RAB5B: variants seen among roughly 807,000 people sequenced by gnomAD.
RAB5B encodes the protein ras-related protein Rab-5B.
A neutral mutation model predicts 28.6 loss-of-function variants in RAB5B; 11 were observed. The ratio of observed to expected loss-of-function variants is 0.38; its 90% CI spans 0.24 to 0.64. The LOEUF (loss-of-function observed/expected upper bound fraction) is 0.64, where lower values mean the gene tolerates loss of function less well. Ranked by LOEUF, RAB5B falls within the 30% of genes least tolerant of loss-of-function variation. RAB5B has a pLI of 0.53. For missense variants in RAB5B, 169 were observed against 265.6 expected (o/e 0.64, Z 2.53); for synonymous variants, 93 against 97.9 (o/e 0.95, Z 0.29).
chr12:55,989,027 C>T (rs1042738093), intron 2 of RAB5B, among the ~76,000 whole-genome samples: 7 of 144,136 alleles, frequency 4.9e-5, no homozygotes, highest in African/African-American at 1.0e-4. Context: ...TTGCAACTTC[C>T]GCTTCCCCAG....
At chr12:55,980,352 C>T (rs565907421) in intron 1 of RAB5B, 2 of 1,241,856 alleles carry the variant, frequency 1.6e-6, no homozygotes, top group African/African-American at 1.5e-5. Flanking sequence ...GCTATTTCTC[C>T]CCTGCTCACT....
intron 2 of RAB5B, among the ~76,000 whole-genome samples, chr12:55,988,486 C>T (rs1445472428): frequency 2.6e-5 from 4 of 151,952 alleles, no homozygotes; most frequent in Middle Eastern, 6.3e-3. Flanking sequence ...CAAATTATTC[C>T]TTCCCCTTGT....
At chr12:55,990,575 T>A in intron 3 of RAB5B, 107 bp from the exon 4 acceptor site, 3 of 1,400,676 alleles carry the variant, frequency 2.1e-6, no homozygotes, top group Non-Finnish European at 3.0e-6. Context: ...GTGGTTTCAC[T>A]GAGGGAAGAC....
chr12:55,986,516 G>A (rs770730499), intron 1 of RAB5B, among the ~76,000 whole-genome samples: 12 of 152,170 alleles, frequency 7.9e-5, no homozygotes, highest in East Asian at 3.8e-4. Context: ...CTAGGGTACC[G>A]GTGGGTGGAT....
At chr12:55,980,945 T>C (rs913023368) in intron 1 of RAB5B, 18 of 1,613,826 alleles carry the variant, frequency 1.1e-5, no homozygotes, top group Non-Finnish European at 1.5e-5. Context: ...GAAGTTGTCC[T>C]CTGCAAAGCG....
intron 1 of RAB5B, among the ~76,000 whole-genome samples, chr12:55,984,171 AC>A (rs1889888946): frequency 1.4e-5 from 2 of 147,442 alleles, no homozygotes; most frequent in African/African-American, 5.0e-5. Flanking sequence ...CCGGCCACCA[AC>A]CACACCCGGC....
intron 1 of RAB5B, chr12:55,980,534 C>T (rs67594137): frequency 0.081 from 128,542 of 1,586,632 alleles, 5,561 homozygotes; most frequent in African/African-American, 0.088. Flanking sequence ...CAAGATGTCC[C>T]GGGCCAGGGA....
intron 1 of RAB5B, among the ~76,000 whole-genome samples, chr12:55,978,548 C>T (rs906087353): frequency 4.0e-5 from 6 of 151,494 alleles, no homozygotes; most frequent in Non-Finnish European, 8.8e-5. Context: ...TAAGATCTGT[C>T]CAGATGGTAC....
intron 2 of RAB5B, among the ~76,000 whole-genome samples, chr12:55,987,945 A>G (rs1378701603): frequency 6.6e-6 from 1 of 151,828 alleles, no homozygotes; most frequent in Non-Finnish European, 1.5e-5. Flanking sequence ...CCAGGAGTTC[A>G]AGACCAGCCT....
At chr12:55,984,864 C>T (rs1889911288) in intron 1 of RAB5B, among the ~76,000 whole-genome samples, 1 of 152,160 alleles carries the variant, frequency 6.6e-6, no homozygotes, top group South Asian at 2.1e-4. Context: ...ACATCTTTCA[C>T]TTATTATTTG....
intron 1 of RAB5B, among the ~76,000 whole-genome samples, chr12:55,984,719 A>G (rs1038218722): frequency 1.4e-4 from 21 of 151,914 alleles, no homozygotes; most frequent in Admixed American, 3.3e-4. Context: ...ACCTCAGGTG[A>G]TCCACCTCAG....
rs1890246519 is a variant in RAB5B at position 55,995,039 on chromosome 12, CAGATT to C, written c.*2831_*2835del. 6.6e-6 allele frequency: 1 copy of C among 151,518 alleles called. No individual in the cohort carries two copies. Among genetic ancestry groups the C allele is most frequent in the South Asian group, 2.1e-4 (1 of 4,802 alleles). 9.4% of individuals were successfully genotyped at this position (151,518 alleles called of 1,614,324 possible). ...TCTGTGGATCTTTGGGCCCACTGAT[CAGATT>C]AGAGAGAGGGGTGCTATTTGAAGTA... is the stretch of plus-strand genomic sequence containing the variant. On this transcript the variant is annotated 3_prime_UTR_variant, in exon 6 of 6. Transcript: ENST00000360299.
chr12:55,982,889 G>A (rs1258304297), intron 1 of RAB5B, among the ~76,000 whole-genome samples: 1 of 152,104 alleles, frequency 6.6e-6, no homozygotes, highest in Non-Finnish European at 1.5e-5. Context: ...GTAACATTGA[G>A]GCTTAATATT....
intron 1 of RAB5B, among the ~76,000 whole-genome samples, chr12:55,975,790 CTTTTTTTTTTT>C (rs1163535431): frequency 2.6e-5 from 3 of 115,140 alleles, no homozygotes; most frequent in Non-Finnish European, 5.2e-5. Flanking sequence ...CACTACATTT[CTTTTTTTTTTT>C]TTTTTTTTTT....
chr12:55,980,494 GT>G (rs1256332634), intron 1 of RAB5B: 5 of 1,591,082 alleles, frequency 3.1e-6, no homozygotes, highest in Non-Finnish European at 4.3e-6. Context: ...GCTTGTTGCC[GT>G]TTCCTGATCT....
intron 1 of RAB5B, among the ~76,000 whole-genome samples, chr12:55,980,230 C>T (rs1440681356): frequency 6.6e-6 from 1 of 151,990 alleles, no homozygotes; most frequent in Non-Finnish European, 1.5e-5. Context: ...CAATTCATTC[C>T]TCTCCCTTCT....
rs1890265238 is a variant in RAB5B, at chr12:55,995,619, A to C, written c.*3407A>C. On this transcript the variant is annotated 3_prime_UTR_variant, in exon 6 of 6. Transcript: ENST00000360299. ...ATTATGTGTGGTTGCAGTAGGCTTT[A>C]AATTCCAAAGAATCTGAAGGTGGAT... The C allele has an allele frequency of 1.3e-5, 2 of 152,306 alleles. No homozygotes were observed. Among genetic ancestry groups the C allele is most frequent in the African/African-American group, 4.8e-5 (2 of 41,540 alleles). 9.4% of individuals were successfully genotyped at this position (152,306 alleles called of 1,614,324 possible).
At chr12:55,976,415 A>C (rs1413683657) in intron 1 of RAB5B, among the ~76,000 whole-genome samples, 1 of 152,136 alleles carries the variant, frequency 6.6e-6, no homozygotes, top group Non-Finnish European at 1.5e-5. Flanking sequence ...AAACACACAC[A>C]CCCCAAGTTG....
chr12:55,996,003 A>ATATATATATTTT lies in RAB5B; in HGVS notation c.*3792_*3793insATATATATTTTT. 4.8e-4 allele frequency: 47 copies of ATATATATATTTT among 97,394 alleles called. No individual in the cohort carries two copies. The highest frequency in any genetic ancestry group is 6.9e-4 in the Non-Finnish European group (35 of 50,474). The allele number at this position is 97,394 out of a possible 1,614,324, so 6.0% of individuals were successfully genotyped here. ...TATATACATATATATATATATATATATTTTTTTTTTAACAACTGGTAGGAT... is the reference window on the plus strand; with the variant it reads ...TATATACATATATATATATATATATATATATATATTTTTTTTTTTTTTAACAACTGGTAGGAT... On this transcript the variant is annotated 3_prime_UTR_variant, in exon 6 of 6. Coordinates refer to ENST00000360299, the MANE Select transcript of RAB5B (RefSeq NM_002868.4).
Sources: allele counts gnomAD v4.1 joint callset (sites outside exome capture counted in the v4.1 genomes callset), GRCh38; gene constraint gnomAD v4.1.1; transcripts MANE v1.5; gene names NCBI Gene and HGNC (gene_info 2026-07-23, HGNC 2026-07-21).